Variants in DAB1 observed in about 807,000 individuals in gnomAD.
DAB1 encodes disabled homolog 1.
DAB1 carries 15 observed loss-of-function variants against 64.6 expected under a neutral mutation model. That is an observed-to-expected ratio of 0.23 (90% CI 0.16 to 0.36). The LOEUF is 0.36. Ranked by LOEUF, DAB1 falls within the 10% of genes least tolerant of loss-of-function variation. The pLI, the probability that DAB1 is intolerant of heterozygous loss-of-function variation, is 1.00. For missense variants in DAB1, 596 were observed against 706.7 expected (o/e 0.84, Z 1.78); for synonymous variants, 235 against 251.9 (o/e 0.93, Z 0.64).
At chr1:56,998,209 G>A (rs1645706994) in intron 14 of DAB1, 81 bp from the exon 15 acceptor site, 2 of 152,616 alleles carry the variant, frequency 1.3e-5, no homozygotes, top group Admixed American at 6.5e-5. Flanking sequence ...AAGGGGTTTA[G>A]GATTAAAACA....
At chr1:57,714,921 A>G (rs1473188809) in intron 6 of DAB1, among the ~76,000 whole-genome samples, 1 of 152,154 alleles carries the variant, frequency 6.6e-6, no homozygotes, top group African/African-American at 2.4e-5. Context: ...GAACATTTGG[A>G]AATAATACAG....
At chr1:57,385,061 T>C (rs1681698644) in intron 1 of DAB1, among the ~76,000 whole-genome samples, 1 of 152,168 alleles carries the variant, frequency 6.6e-6, no homozygotes, top group South Asian at 2.1e-4. Context: ...CTTGGATCAC[T>C]GATAATGAAC....
chr1:58,036,608 C>A (rs6701501), intron 5 of DAB1, among the ~76,000 whole-genome samples: 48,667 of 152,134 alleles, frequency 0.32, 9,889 homozygotes, highest in Non-Finnish European at 0.45. Context: ...AGACCTGCAG[C>A]CTTCTACTAA....
intron 1 of DAB1, among the ~76,000 whole-genome samples, chr1:57,337,968 C>CCCT (rs1169346111): frequency 1.1e-4 from 17 of 148,232 alleles, no homozygotes; most frequent in Middle Eastern, 6.9e-3. Context: ...TCTCTTTTCT[C>CCCT]CCTCCTCCTC....
intron 1 of DAB1, among the ~76,000 whole-genome samples, chr1:57,395,887 C>T (rs1158480862): frequency 4.2e-4 from 64 of 152,228 alleles, no homozygotes; most frequent in Admixed American, 4.2e-3. Context: ...TTTCCACTAT[C>T]AACCTCCGAT....
chr1:58,249,547 G>T (rs900719990), intron 4 of DAB1, among the ~76,000 whole-genome samples: 1 of 152,098 alleles, frequency 6.6e-6, no homozygotes, highest in African/African-American at 2.4e-5. Flanking sequence ...AAGACCCCTG[G>T]CCAGCTTGCC....
intron 3 of DAB1, among the ~76,000 whole-genome samples, chr1:57,141,026 T>C (rs976389746): frequency 1.3e-5 from 2 of 152,110 alleles, no homozygotes; most frequent in Non-Finnish European, 2.9e-5. Context: ...GTAAAACATA[T>C]GTGTAAATGC....
intron 5 of DAB1, among the ~76,000 whole-genome samples, chr1:58,113,137 G>C (rs542992998): frequency 6.6e-6 from 1 of 152,168 alleles, no homozygotes; most frequent in Middle Eastern, 3.2e-3. Flanking sequence ...TGGCACAGAG[G>C]AGGGTGCCAG....
intron 4 of DAB1, among the ~76,000 whole-genome samples, chr1:58,169,470 T>C (rs1656043791): frequency 6.6e-6 from 1 of 152,172 alleles, no homozygotes; most frequent in African/African-American, 2.4e-5. Context: ...TGGGAACAAT[T>C]TGACCTGCAA....
At chr1:58,348,465 CT>C in intron 3 of DAB1, among the ~76,000 whole-genome samples, 1 of 152,102 alleles carries the variant, frequency 6.6e-6, no homozygotes, top group East Asian at 1.9e-4. Flanking sequence ...TTTCAGTTTT[CT>C]TGATGTTGCT....
chr1:57,355,781 G>A (rs1305353031), intron 1 of DAB1, among the ~76,000 whole-genome samples: 1 of 151,762 alleles, frequency 6.6e-6, no homozygotes, highest in Non-Finnish European at 1.5e-5. Context: ...GAAAAGCTTT[G>A]TACATAAGAA....
intron 5 of DAB1, among the ~76,000 whole-genome samples, chr1:57,917,218 T>C (rs1424708907): frequency 6.6e-6 from 1 of 152,178 alleles, no homozygotes; most frequent in Non-Finnish European, 1.5e-5. Flanking sequence ...CTAGGTCCAC[T>C]GCCAGATATA....
At chr1:57,304,168 A>T (rs1023645632) in intron 1 of DAB1, among the ~76,000 whole-genome samples, 2 of 152,192 alleles carry the variant, frequency 1.3e-5, no homozygotes, top group Non-Finnish European at 2.9e-5. Flanking sequence ...GTAAAGCAGG[A>T]GCAGGCACTT....
chr1:57,157,896 A>C (rs937521913), intron 2 of DAB1, among the ~76,000 whole-genome samples: 1 of 152,190 alleles, frequency 6.6e-6, no homozygotes, highest in Admixed American at 6.5e-5. Context: ...GGAGGAAAGA[A>C]CTGCAACACA....
At chr1:57,139,729 T>C (rs549622) in intron 3 of DAB1, among the ~76,000 whole-genome samples, 47,456 of 151,850 alleles carry the variant, frequency 0.31, 10,997 homozygotes, top group African/African-American at 0.66. Context: ...ATTCCTAGCA[T>C]ATAGTAGTGC....
intron 6 of DAB1, among the ~76,000 whole-genome samples, chr1:57,728,437 C>CA (rs1300604920): frequency 3.3e-5 from 5 of 152,048 alleles, no homozygotes; most frequent in South Asian, 2.1e-4. Context: ...ACTAAAAATA[C>CA]AAAAAAATTA....
At chr1:57,193,379 A>ATGTTTTT (rs1664317073) in intron 2 of DAB1, among the ~76,000 whole-genome samples, 1 of 71,624 alleles carries the variant, frequency 1.4e-5, no homozygotes, top group Non-Finnish European at 2.9e-5. Flanking sequence ...TCCGTAGCAT[A>ATGTTTTT]TGTTTTTTTT....
At chr1:57,638,148 GT>G (rs1170624835) in intron 7 of DAB1, among the ~76,000 whole-genome samples, 2 of 151,496 alleles carry the variant, frequency 1.3e-5, no homozygotes, top group Non-Finnish European at 2.9e-5. Context: ...TTTGTTTTTT[GT>G]TTTTTTGCTA....
At chr1:57,634,637 A>G (rs1646029900) in intron 7 of DAB1, among the ~76,000 whole-genome samples, 1 of 152,202 alleles carries the variant, frequency 6.6e-6, no homozygotes, top group Non-Finnish European at 1.5e-5. Flanking sequence ...AAAAGAAAGA[A>G]ACTTCATTCA....
Sources: gnomAD v4.1 joint callset for allele counts (sites outside exome capture counted in the v4.1 genomes callset) on GRCh38, gnomAD v4.1.1 for gene constraint, MANE v1.5 for transcripts, NCBI Gene and HGNC (gene_info 2026-07-23, HGNC 2026-07-21) for gene names.